RAVER2: variants seen among roughly 807,000 people sequenced by gnomAD.
RAVER2 encodes ribonucleoprotein PTB-binding 2.
RAVER2 carries 46 observed loss-of-function variants against 78.1 expected under a neutral mutation model. That is an observed-to-expected ratio of 0.59 (90% CI 0.46 to 0.75). RAVER2 has a LOEUF of 0.75. Ranked by LOEUF, RAVER2 falls within the 30% of genes least tolerant of loss-of-function variation. The pLI is 0.00. For missense variants in RAVER2, 793 were observed against 837.5 expected (o/e 0.95, Z 0.66); for synonymous variants, 311 against 313.3 (o/e 0.99, Z 0.08).
At chr1:64,750,601 A>G (rs983805480) in intron 1 of RAVER2, among the ~76,000 whole-genome samples, 3 of 152,114 alleles carry the variant, frequency 2.0e-5, no homozygotes, top group Admixed American at 6.5e-5. Context: ...TACATATTTT[A>G]TGTCCTTTAA....
At chr1:64,825,776 A>G (rs1199881995) in intron 11 of RAVER2, among the ~76,000 whole-genome samples, 1 of 152,162 alleles carries the variant, frequency 6.6e-6, no homozygotes, top group African/African-American at 2.4e-5. Context: ...TTGGAAATCA[A>G]TGGGATAAAA....
chr1:64,768,489 T>A (rs1210291439), intron 1 of RAVER2, among the ~76,000 whole-genome samples, 167 bp from the exon 2 acceptor site: 1 of 151,946 alleles, frequency 6.6e-6, no homozygotes, highest in Non-Finnish European at 1.5e-5. Context: ...CTGGGGAATC[T>A]GGAAGACCTT....
intron 1 of RAVER2, among the ~76,000 whole-genome samples, chr1:64,750,435 AGAAGTTGG>A (rs1651668499): frequency 6.6e-6 from 1 of 151,816 alleles, no homozygotes; most frequent in Non-Finnish European, 1.5e-5. Flanking sequence ...CAGCCATCTG[AGAAGTTGG>A]GACCATAGGC....
At chr1:64,757,858 C>T (rs1651896637) in intron 1 of RAVER2, among the ~76,000 whole-genome samples, 1 of 152,158 alleles carries the variant, frequency 6.6e-6, no homozygotes, top group Non-Finnish European at 1.5e-5. Context: ...TTCCAGTTTT[C>T]TCCCATTCTG....
At chr1:64,788,510 T>G (rs1432101735) in intron 4 of RAVER2, among the ~76,000 whole-genome samples, 1 of 148,990 alleles carries the variant, frequency 6.7e-6, no homozygotes, top group Non-Finnish European at 1.5e-5. Context: ...AAGAAGATTT[T>G]GGGTCAGTCG....
chr1:64,806,340 A>G (rs534915959), intron 8 of RAVER2, among the ~76,000 whole-genome samples: 2 of 152,302 alleles, frequency 1.3e-5, no homozygotes, highest in South Asian at 4.1e-4. Flanking sequence ...AAGCCCAGGA[A>G]GTCGAGGCTG....
chr1:64,791,975 C>T (rs1318099056), intron 5 of RAVER2, among the ~76,000 whole-genome samples: 1 of 152,062 alleles, frequency 6.6e-6, no homozygotes, highest in African/African-American at 2.4e-5. Flanking sequence ...GCAACTTTAT[C>T]AGTAAAATAA....
intron 9 of RAVER2, among the ~76,000 whole-genome samples, chr1:64,811,891 A>G (rs1005809674): frequency 6.6e-6 from 1 of 152,224 alleles, no homozygotes; most frequent in Non-Finnish European, 1.5e-5. Context: ...ATAAAAATAT[A>G]CTGATATACA....
intron 4 of RAVER2, among the ~76,000 whole-genome samples, chr1:64,785,525 C>A (rs1257464964): frequency 6.6e-6 from 1 of 151,974 alleles, no homozygotes; most frequent in South Asian, 2.1e-4. Flanking sequence ...TGCACCACCA[C>A]GTCCAGCTAA....
intron 10 of RAVER2, among the ~76,000 whole-genome samples, chr1:64,813,821 G>A (rs993111321): frequency 8.1e-6 from 1 of 123,992 alleles, no homozygotes; most frequent in African/African-American, 3.3e-5. Flanking sequence ...CCTTGTTTTA[G>A]AGACTAGACA....
chr1:64,778,137 A>G lies in RAVER2; in HGVS notation c.786+45A>G, dbSNP rs745708442. 14 of 1,341,068 alleles carry G rather than the reference A, an allele frequency of 1.0e-5. No homozygotes were observed. The South Asian group carries it at 1.7e-4, about 17-fold the overall frequency. The allele number at this position is 1,341,068 out of a possible 1,614,324, so 83.1% of individuals were successfully genotyped here. On this transcript the variant is annotated intron_variant, in intron 3 of 11. Transcript: ENST00000294428. Reference sequence around the variant, plus strand: ...TATTGAAATATTTTAAAATATATACATATGTATCTAATCTACATACACTCA... The same window carrying G: ...TATTGAAATATTTTAAAATATATACGTATGTATCTAATCTACATACACTCA...
At chr1:64,761,353 G>C (rs1379728994) in intron 1 of RAVER2, among the ~76,000 whole-genome samples, 2 of 152,194 alleles carry the variant, frequency 1.3e-5, no homozygotes, top group Non-Finnish European at 2.9e-5. Flanking sequence ...ATTGTCTGGT[G>C]TGGGACATCC....
intron 9 of RAVER2, among the ~76,000 whole-genome samples, chr1:64,807,925 A>C (rs1653489357): frequency 6.6e-6 from 1 of 152,168 alleles, no homozygotes; most frequent in African/African-American, 2.4e-5. Flanking sequence ...AAAGCTTAGG[A>C]GTATCAATGC....
chr1:64,797,335 T>C (rs1653122489), intron 5 of RAVER2, among the ~76,000 whole-genome samples: 1 of 152,196 alleles, frequency 6.6e-6, no homozygotes, highest in Non-Finnish European at 1.5e-5. Flanking sequence ...TAGCCATAGC[T>C]AAGGGTAAGA....
chr1:64,777,464 A>G (rs946895823), intron 2 of RAVER2, among the ~76,000 whole-genome samples, 159 bp from the exon 3 acceptor site: 6 of 152,202 alleles, frequency 3.9e-5, no homozygotes, highest in African/African-American at 9.6e-5. Context: ...AGAATAAAAA[A>G]TGTCACAATG....
chr1:64,831,094 G>A (rs1654116886), exon 12 of RAVER2: 1 of 1,197,388 alleles, frequency 8.4e-7, no homozygotes, highest in Non-Finnish European at 1.1e-6. Context: ...CGGGTTTATA[G>A]TTTCCCAGAA....
intron 5 of RAVER2, among the ~76,000 whole-genome samples, chr1:64,792,825 T>C (rs1043211824): frequency 2.0e-5 from 3 of 152,222 alleles, no homozygotes; most frequent in Non-Finnish European, 4.4e-5. Flanking sequence ...TACTATGTCC[T>C]TTACTATATC....
chr1:64,788,810 A>C (rs947423674), intron 4 of RAVER2, among the ~76,000 whole-genome samples: 1 of 151,920 alleles, frequency 6.6e-6, no homozygotes, highest in Non-Finnish European at 1.5e-5. Context: ...AAAAAAAAGA[A>C]GATTTTGAAT....
At chr1:64,754,349 T>C (rs1405086243) in intron 1 of RAVER2, among the ~76,000 whole-genome samples, 1 of 152,220 alleles carries the variant, frequency 6.6e-6, no homozygotes, top group Non-Finnish European at 1.5e-5. Context: ...GCAAGGATCA[T>C]GTTGTGTTTA....
Sources: allele counts gnomAD v4.1 joint callset (sites outside exome capture counted in the v4.1 genomes callset), GRCh38; gene constraint gnomAD v4.1.1; transcripts MANE v1.5; gene names NCBI Gene and HGNC (gene_info 2026-07-23, HGNC 2026-07-21).